GREB1L: variants seen among roughly 807,000 people sequenced by gnomAD.
GREB1L encodes the protein GREB1 like retinoic acid receptor coactivator.
GREB1L carries 17 observed loss-of-function variants against 200.8 expected under a neutral mutation model. The observed-to-expected ratio is 0.08, with a 90% CI of 0.06 to 0.13. The LOEUF (loss-of-function observed/expected upper bound fraction) is 0.13, where lower values mean the gene tolerates loss of function less well. GREB1L is among the 10% of genes least tolerant of loss of function. The pLI is 1.00. For missense variants in GREB1L, 1,657 were observed against 2,367.7 expected (o/e 0.70, Z 6.23); for synonymous variants, 789 against 893.0 (o/e 0.88, Z 2.08).
At position 21,246,828 on chromosome 18, in the gene GREB1L, G is replaced by A. The variant is rs73959821; in HGVS notation, c.-120+4435G>A. 9.9e-3 allele frequency among the ~76,000 whole-genome samples: 1,514 copies of A among 152,196 alleles called. 29 individuals carry two copies. Among genetic ancestry groups the A allele is most frequent in the African/African-American group, 0.034 (1,425 of 41,498 alleles). On this transcript the variant is annotated intron_variant, in intron 1 of 32. Coordinates refer to ENST00000424526, the MANE Select transcript of GREB1L (RefSeq NM_001142966.3). ...GAAGAGCTGATTTGTGGTTAGTATT[G>A]TGATCACAGTTTGCTGGAATTTTAC...
chr18:21,453,641 T>TTGTAA (rs542357269), intron 14 of GREB1L, among the ~76,000 whole-genome samples: 79 of 152,302 alleles, frequency 5.2e-4, no homozygotes, highest in African/African-American at 1.9e-3. Context: ...GGAAATGTTT[T>TTGTAA]TGTAATATGT....
chr18:21,290,643 C>T (rs748126241), intron 1 of GREB1L, among the ~76,000 whole-genome samples: 7 of 151,882 alleles, frequency 4.6e-5, no homozygotes, highest in Non-Finnish European at 8.8e-5. Flanking sequence ...GCCAACATGG[C>T]GAAGGCCCGT....
intron 1 of GREB1L, among the ~76,000 whole-genome samples, chr18:21,307,141 C>T (rs1037666506): frequency 2.0e-5 from 3 of 152,202 alleles, no homozygotes; most frequent in Admixed American, 6.5e-5. Flanking sequence ...TTCCACTGCA[C>T]GGTAGCAATT....
intron 1 of GREB1L, among the ~76,000 whole-genome samples, chr18:21,297,956 A>G (rs548397498): frequency 2.6e-5 from 4 of 152,118 alleles, no homozygotes; most frequent in Admixed American, 1.3e-4. Context: ...AGAAAGGAAA[A>G]CAATGATGGC....
intron 7 of GREB1L, among the ~76,000 whole-genome samples, chr18:21,409,257 G>A (rs2030669291): frequency 6.6e-6 from 1 of 152,172 alleles, no homozygotes; most frequent in African/African-American, 2.4e-5. Context: ...ATGATGTTAA[G>A]TGAAATAAAC....
chr18:21,328,148 C>T lies in GREB1L; in HGVS notation c.-119-37879C>T, dbSNP rs1162629025. On this transcript the variant is annotated intron_variant, in intron 1 of 32. Coordinates refer to ENST00000424526, the MANE Select transcript of GREB1L (RefSeq NM_001142966.3). ...CCTTTCTCTGTCATGAACTCCTGGT[C>T]ATCTTTGAAGTCCTGATTCAGTGCC... is the stretch of plus-strand genomic sequence containing the variant. Among the ~76,000 whole-genome samples the T allele has an allele frequency of 2.0e-5, 3 of 152,140 alleles. No individual in the cohort carries two copies. The East Asian group carries it at 5.8e-4, about 29-fold the overall frequency.
intron 2 of GREB1L, among the ~76,000 whole-genome samples, chr18:21,378,446 AG>A (rs2040166207): frequency 6.6e-6 from 1 of 151,864 alleles, no homozygotes; most frequent in Admixed American, 6.6e-5. Context: ...GGAGTGCAGC[AG>A]CGCCATCTTG....
chr18:21,358,566 C>T (rs1334112076), intron 1 of GREB1L, among the ~76,000 whole-genome samples: 1 of 152,184 alleles, frequency 6.6e-6, no homozygotes, highest in Non-Finnish European at 1.5e-5. Context: ...CCGCCCACCT[C>T]GGCCTCCCAA....
rs927958367 is a variant in GREB1L, at chr18:21,524,549, G to C, written c.*1728G>C. 1 of 152,096 alleles carries C rather than the reference G, an allele frequency of 6.6e-6. No homozygotes were observed. The highest frequency in any genetic ancestry group is 1.5e-5 in the Non-Finnish European group (1 of 68,020). The allele number at this position is 152,096 out of a possible 1,614,324, so 9.4% of individuals were successfully genotyped here. A position where few individuals can be genotyped will look rare whatever the true frequency, so the allele number is the denominator to read the frequency against. ...TTCACTTGTTCCTGTTTTGTTGAAAGGGCCTAATGCAAATAATACCAAGAA... is the reference window on the plus strand; with the variant it reads ...TTCACTTGTTCCTGTTTTGTTGAAACGGCCTAATGCAAATAATACCAAGAA... On this transcript the variant is annotated 3_prime_UTR_variant, in exon 33 of 33. Coordinates refer to ENST00000424526, the MANE Select transcript of GREB1L (RefSeq NM_001142966.3).
chr18:21,304,669 T>C (rs1255625627), intron 1 of GREB1L, among the ~76,000 whole-genome samples: 1 of 152,178 alleles, frequency 6.6e-6, no homozygotes, highest in Non-Finnish European at 1.5e-5. Flanking sequence ...ATTCTGGAGA[T>C]AGCCTTACTA....
intron 15 of GREB1L, among the ~76,000 whole-genome samples, chr18:21,467,790 C>A (rs1361356693): frequency 1.3e-5 from 2 of 152,016 alleles, no homozygotes; most frequent in East Asian, 3.9e-4. Flanking sequence ...TTTGGGAGGC[C>A]AAGGCGGGCG....
chr18:21,471,023 A>G (rs2035462479), intron 15 of GREB1L, among the ~76,000 whole-genome samples: 1 of 152,236 alleles, frequency 6.6e-6, no homozygotes, highest in Non-Finnish European at 1.5e-5. Flanking sequence ...AGCACCCTGC[A>G]TAGTTATGGA....
intron 1 of GREB1L, among the ~76,000 whole-genome samples, chr18:21,357,279 C>T (rs1309375565): frequency 1.3e-5 from 2 of 152,206 alleles, no homozygotes; most frequent in Non-Finnish European, 2.9e-5. Flanking sequence ...GTCTCTATCT[C>T]CTGACCTCGT....
At chr18:21,405,510 A>T (rs1465699605) in intron 7 of GREB1L, among the ~76,000 whole-genome samples, 1 of 152,206 alleles carries the variant, frequency 6.6e-6, no homozygotes, top group Non-Finnish European at 1.5e-5. Context: ...TGATTTAAAA[A>T]ACATTCATGG....
chr18:21,358,638 T>G (rs1457205093), intron 1 of GREB1L, among the ~76,000 whole-genome samples: 2 of 152,140 alleles, frequency 1.3e-5, no homozygotes, highest in African/African-American at 4.8e-5. Flanking sequence ...AAGTGTCAGC[T>G]AAGCTGTGAG....
At chr18:21,502,176 G>A (rs1482958020) in intron 23 of GREB1L, among the ~76,000 whole-genome samples, 11 of 152,102 alleles carry the variant, frequency 7.2e-5, no homozygotes, top group African/African-American at 2.2e-4. Context: ...GTTTGAACCC[G>A]GGAGGCGGAG....
At chr18:21,355,634 G>A (rs1193245677) in intron 1 of GREB1L, among the ~76,000 whole-genome samples, 1 of 152,146 alleles carries the variant, frequency 6.6e-6, no homozygotes, top group African/African-American at 2.4e-5. Context: ...AGCAGCCTAT[G>A]GATACAGGAA....
In GREB1L at chr18:21,496,478, G is replaced by A. The variant is rs772279245; in HGVS notation, c.3171G>A (p.Arg1057=). The change falls in exon 21 of 33, where the codon CGG becomes CGA. Residue 1057 remains arginine (R), a synonymous_variant. Transcript: ENST00000424526. The part of the protein sequence containing the change: ...FPRSLKYCDL[R]LIDSSYLTRT... ...GGTCTTTGAAGTACTGTGACCTCCGGTTAATTGACTCAAGCTATTTAACTC... is the reference window on the plus strand; with the variant it reads ...GGTCTTTGAAGTACTGTGACCTCCGATTAATTGACTCAAGCTATTTAACTC... The A allele has an allele frequency of 1.0e-4, 156 of 1,551,600 alleles. No individual in the cohort carries two copies. Among genetic ancestry groups the A allele is most frequent in the Non-Finnish European group, 1.2e-4 (140 of 1,147,014 alleles).
intron 1 of GREB1L, among the ~76,000 whole-genome samples, chr18:21,339,564 T>A (rs374299754): frequency 6.6e-6 from 1 of 152,220 alleles, no homozygotes; most frequent in South Asian, 2.1e-4. Flanking sequence ...TTAGCACTGC[T>A]AACTTTCTTG....
Sources: gnomAD v4.1 joint callset for allele counts (sites outside exome capture counted in the v4.1 genomes callset) on GRCh38, gnomAD v4.1.1 for gene constraint, MANE v1.5 for transcripts, NCBI Gene and HGNC (gene_info 2026-07-23, HGNC 2026-07-21) for gene names.